Variants in LSAMP observed in about 807,000 individuals in gnomAD.
LSAMP encodes limbic system-associated membrane protein.
In LSAMP, 7 loss-of-function variants were observed where a neutral mutation model predicts 38.6. The ratio of observed to expected loss-of-function variants is 0.18; its 90% CI spans 0.10 to 0.34. LSAMP has a LOEUF of 0.34. LSAMP is among the 10% of genes least tolerant of loss of function. The pLI, the probability that LSAMP is intolerant of heterozygous loss-of-function variation, is 1.00. For missense variants in LSAMP, 313 were observed against 420.0 expected, an observed-to-expected ratio of 0.75 and a Z score of 2.23; for synonymous variants, 154 against 166.8, an observed-to-expected ratio of 0.92 and a Z score of 0.59.
intron 3 of LSAMP, among the ~76,000 whole-genome samples, chr3:116,014,882 T>C (rs1200574303): frequency 9.2e-5 from 14 of 152,166 alleles, no homozygotes; most frequent in Admixed American, 9.2e-4. Context: ...AGGCTGGTCA[T>C]ATTGGGTGAG....
At chr3:116,406,722 C>T (rs1428896060) in intron 1 of LSAMP, among the ~76,000 whole-genome samples, 3 of 151,962 alleles carry the variant, frequency 2.0e-5, no homozygotes, top group African/African-American at 4.8e-5. Flanking sequence ...TCTCCATGCA[C>T]ACAGCACCCC....
chr3:116,226,536 T>C (rs2046344076), intron 1 of LSAMP, among the ~76,000 whole-genome samples: 1 of 152,246 alleles, frequency 6.6e-6, no homozygotes, highest in South Asian at 2.1e-4. Flanking sequence ...ATCACTGAAA[T>C]AGCACTCAAG....
intron 1 of LSAMP, among the ~76,000 whole-genome samples, chr3:116,222,475 T>C (rs569579891): frequency 6.6e-6 from 1 of 152,238 alleles, no homozygotes; most frequent in South Asian, 2.1e-4. Flanking sequence ...GGAAAAAGGC[T>C]TAAACTCATA....
chr3:115,912,329 G>A (rs1219538681), intron 3 of LSAMP, among the ~76,000 whole-genome samples: 2 of 152,192 alleles, frequency 1.3e-5, no homozygotes, highest in Non-Finnish European at 2.9e-5. Flanking sequence ...CCAGGTGTTA[G>A]ACGTAGGTCA....
At chr3:116,235,734 A>T (rs1055122787) in intron 1 of LSAMP, among the ~76,000 whole-genome samples, 6 of 152,228 alleles carry the variant, frequency 3.9e-5, no homozygotes, top group African/African-American at 1.4e-4. Context: ...GTAAGTTCAA[A>T]ATATGGTCTT....
chr3:115,939,973 G>A (rs1937855355), intron 3 of LSAMP, among the ~76,000 whole-genome samples: 1 of 152,062 alleles, frequency 6.6e-6, no homozygotes, highest in Non-Finnish European at 1.5e-5. Context: ...AAGATGGTGT[G>A]TCCAGAGTTG....
At chr3:116,251,736 G>T (rs1382582672) in intron 1 of LSAMP, among the ~76,000 whole-genome samples, 2 of 138,576 alleles carry the variant, frequency 1.4e-5, no homozygotes, top group Non-Finnish European at 3.1e-5. Context: ...TTCTATTAAA[G>T]ATTTCAATTT....
chr3:116,059,635 C>T (rs1467369590), intron 2 of LSAMP, among the ~76,000 whole-genome samples: 1 of 152,184 alleles, frequency 6.6e-6, no homozygotes, highest in African/African-American at 2.4e-5. Flanking sequence ...TATCCTAACA[C>T]AGGAGTTTTC....
At chr3:116,440,508 G>A (rs2049418522) in intron 1 of LSAMP, among the ~76,000 whole-genome samples, 1 of 152,130 alleles carries the variant, frequency 6.6e-6, no homozygotes, top group African/African-American at 2.4e-5. Flanking sequence ...TTGTATGTGT[G>A]TATAAACCCA....
chr3:115,852,631 GTTTTCATGATTC>G lies in LSAMP; in HGVS notation c.515-26_515-15del. 1 of 1,604,352 alleles carries G rather than the reference GTTTTCATGATTC, an allele frequency of 6.2e-7. No individual in the cohort carries two copies. Among genetic ancestry groups the G allele is most frequent in the Non-Finnish European group, 8.5e-7 (1 of 1,176,318 alleles). On this transcript the variant is annotated splice_polypyrimidine_tract_variant and intron_variant, in intron 3 of 6. Coordinates refer to ENST00000490035, the MANE Select transcript of LSAMP (RefSeq NM_002338.5). ...CAAATTCCCTTCCTGAAAAACAGAG[GTTTTCATGATTC>G]TTTTTTAAAGTCTGAAATAGGCAGT...
At chr3:116,373,953 A>G (rs2048463242) in intron 1 of LSAMP, among the ~76,000 whole-genome samples, 1 of 151,894 alleles carries the variant, frequency 6.6e-6, no homozygotes, top group South Asian at 2.1e-4. Context: ...AGTATCTGCA[A>G]ACCTCTTAAG....
At chr3:115,823,156 G>A (rs1382788656) in intron 6 of LSAMP, among the ~76,000 whole-genome samples, 1 of 152,182 alleles carries the variant, frequency 6.6e-6, no homozygotes, top group Non-Finnish European at 1.5e-5. Flanking sequence ...AAATATTAAT[G>A]CGCCAACTTG....
At chr3:116,418,324 T>G (rs780824861) in intron 1 of LSAMP, among the ~76,000 whole-genome samples, 12 of 152,200 alleles carry the variant, frequency 7.9e-5, no homozygotes, top group Non-Finnish European at 1.6e-4. Flanking sequence ...ACTCAGCATG[T>G]GTAAAAACCC....
chr3:116,074,432 A>T (rs1318229040), intron 2 of LSAMP, among the ~76,000 whole-genome samples: 1 of 152,194 alleles, frequency 6.6e-6, no homozygotes, highest in African/African-American at 2.4e-5. Flanking sequence ...TAATTTTTTT[A>T]AAAAAATAAT....
rs143617242 is a variant in LSAMP, at chr3:115,826,935, C to CGG, written c.919+14909_919+14910insCC. On this transcript the variant is annotated intron_variant, in intron 6 of 6. Transcript: ENST00000490035. ...GATCTCCCAACGGAAGACCAGCCTC[C>CGG]AATTAATGGGATCATTCCGTCTTTT... is the stretch of plus-strand genomic sequence containing the variant. Among the ~76,000 whole-genome samples the CGG allele has an allele frequency of 4.0e-5, 6 of 148,252 alleles. No individual in the cohort carries two copies. The South Asian group carries it at 6.4e-4, about 16-fold the overall frequency.
rs150705226 is a variant in LSAMP, at chr3:116,273,683, C to CAGATATATATATATATATATAT, written c.155+171193_155+171194insATATATATATATATATATATCT. On this transcript the variant is annotated intron_variant, in intron 1 of 6. Coordinates refer to ENST00000490035, the MANE Select transcript of LSAMP (RefSeq NM_002338.5). ...GACCACCAAGAGAAAGAGAAAGAGG[C>CAGATATATATATATATATATAT]ATATATATATATATATATATATATA... is the stretch of plus-strand genomic sequence containing the variant. Among the ~76,000 whole-genome samples, 203 of 50,254 alleles carry CAGATATATATATATATATATAT rather than the reference C, an allele frequency of 4.0e-3. 40 individuals are homozygous for CAGATATATATATATATATATAT. The highest frequency in any genetic ancestry group is 0.018 in the African/African-American group (144 of 7,872). 33.0% of individuals were successfully genotyped at this position (50,254 alleles called of 152,430 possible).
chr3:115,956,941 A>C (rs2107587144), intron 3 of LSAMP, among the ~76,000 whole-genome samples: 1 of 152,294 alleles, frequency 6.6e-6, no homozygotes, highest in African/African-American at 2.4e-5. Context: ...AGAAGGCTTC[A>C]AGAACCTGAA....
intron 1 of LSAMP, among the ~76,000 whole-genome samples, chr3:116,379,590 G>A (rs1036758806): frequency 9.9e-5 from 15 of 152,056 alleles, no homozygotes; most frequent in East Asian, 1.9e-4. Flanking sequence ...AAAATCTGTC[G>A]GGATCAAGTG....
intron 3 of LSAMP, among the ~76,000 whole-genome samples, chr3:115,867,615 A>G (rs72953463): frequency 0.19 from 28,826 of 151,970 alleles, 3,537 homozygotes; most frequent in African/African-American, 0.33. Context: ...GACACAGGAA[A>G]ATCACAGAAG....
Sources: allele counts gnomAD v4.1 joint callset (sites outside exome capture counted in the v4.1 genomes callset), GRCh38; gene constraint gnomAD v4.1.1; transcripts MANE v1.5; gene names NCBI Gene and HGNC (gene_info 2026-07-23, HGNC 2026-07-21).